The following TMEM230 variants were observed in gnomAD, a reference collection of about 807,000 sequenced individuals.
TMEM230 encodes transmembrane protein 230, also known as UPF0414 transmembrane protein C20orf30.
In TMEM230, 10 loss-of-function variants were observed where a neutral mutation model predicts 15.8. The ratio of observed to expected loss-of-function variants is 0.63; its 90% CI spans 0.39 to 1.07. The LOEUF (loss-of-function observed/expected upper bound fraction) is 1.07, where lower values mean the gene tolerates loss of function less well. TMEM230 is among the 50% of genes least tolerant of loss of function. The pLI is 0.01. For synonymous variants in TMEM230, 67 were observed against 76.9 expected (o/e 0.87, Z 0.68); for missense variants, 165 against 193.3 (o/e 0.85, Z 0.87).
rs573757269 is a variant in TMEM230, at chr20:5,105,234, T to C, written c.411+954A>G. ...CCACGAGCCGGAGTTTGCAGTGAGC[T>C]GAGATCCTGCCACTGCACTCCAGCC... On this transcript the variant is annotated intron_variant, in intron 4 of 4. Coordinates refer to ENST00000342308, the MANE Select transcript of TMEM230 (RefSeq NM_001009923.2). 6.9e-4 allele frequency among the ~76,000 whole-genome samples: 105 copies of C among 152,254 alleles called. 4 individuals are homozygous for C. In the South Asian group the frequency reaches 0.016, roughly 23 times the overall value.
chr20:5,101,477 A>G (rs1050043428), intron 4 of TMEM230, among the ~76,000 whole-genome samples: 4 of 151,580 alleles, frequency 2.6e-5, no homozygotes, highest in Non-Finnish European at 5.9e-5. Flanking sequence ...GCTGGAGTAC[A>G]GTGGTGTGAT....
intron 3 of TMEM230, among the ~76,000 whole-genome samples, chr20:5,090,166 T>C (rs2089466659): frequency 6.6e-6 from 1 of 151,606 alleles, no homozygotes; most frequent in Admixed American, 6.6e-5. Flanking sequence ...ATTCCAGAAA[T>C]AGGAAACCAA....
At chr20:5,107,486 C>T (rs1264377676) in intron 3 of TMEM230, among the ~76,000 whole-genome samples, 4 of 152,084 alleles carry the variant, frequency 2.6e-5, no homozygotes, top group African/African-American at 4.8e-5. Flanking sequence ...CACTCTAGTT[C>T]GAATCTCATT....
At chr20:5,111,908 C>A (rs2090343469) in intron 1 of TMEM230, 2 of 426,690 alleles carry the variant, frequency 4.7e-6, no homozygotes, top group Non-Finnish European at 6.3e-6. Flanking sequence ...GTTTAGGGAC[C>A]CGATCTCAGC....
intron 3 of TMEM230, among the ~76,000 whole-genome samples, chr20:5,076,874 C>T (rs1034558683): frequency 5.3e-5 from 8 of 151,388 alleles, no homozygotes; most frequent in Non-Finnish European, 1.0e-4. Flanking sequence ...GACGGGGTTT[C>T]GCCATGTTGG....
rs2090384040 is a variant in TMEM230 at position 5,112,889 on chromosome 20, G to A, written c.68+72C>T. The A allele has an allele frequency of 4.5e-6, 7 of 1,548,096 alleles. No individual in the cohort carries two copies. In the East Asian group the frequency reaches 1.5e-4, roughly 32 times the overall value. ...TGACTCGGAGCTTGATTTCGGCGGG[G>A]AGCGCGGTCTCGGACACGCCCAGAG... is the stretch of plus-strand genomic sequence containing the variant. On this transcript the variant is annotated intron_variant, in intron 1 of 4. Transcript: ENST00000342308.
At chr20:5,064,923 C>A (rs2088637753), downstream of TMEM230, among the ~76,000 whole-genome samples, 1 of 152,042 alleles carries the variant, frequency 6.6e-6, no homozygotes, top group South Asian at 2.1e-4. Context: ...GTAATCCCAG[C>A]ACTTTGGGAG....
At chr20:5,107,224 C>A (rs2090130813) in intron 3 of TMEM230, among the ~76,000 whole-genome samples, 1 of 152,162 alleles carries the variant, frequency 6.6e-6, no homozygotes, top group Non-Finnish European at 1.5e-5. Context: ...ATGGCTTGAG[C>A]CCAGGAGGTG....
At position 5,113,004 on chromosome 20, in the gene TMEM230, C is replaced by A; in HGVS notation, c.25G>T (p.Val9Leu). 6.5e-7 allele frequency: 1 copy of A among 1,550,044 alleles called. No homozygotes were observed. The stretch of plus-strand genomic sequence containing the variant: ...CGCCCGCACACCCAGAGCTCGCCCA[C>A]GGTTGGCAGCGCCCAAGGTTGCATG... Residue 9 changes from valine (V) to leucine (L), a missense_variant, in exon 1 of 5, where the codon GTG (valine) becomes TTG (leucine). Val to Leu is a conservative substitution (Grantham distance 32). Transcript: ENST00000342308.
At chr20:5,086,538 C>T (rs1380578346) in intron 3 of TMEM230, among the ~76,000 whole-genome samples, 6 of 89,030 alleles carry the variant, frequency 6.7e-5, no homozygotes, top group African/African-American at 8.7e-5. Context: ...GACTCTGTCT[C>T]AAAAAAAAAA....
At chr20:5,094,087 T>G (rs1191741150) in intron 3 of TMEM230, among the ~76,000 whole-genome samples, 1 of 151,706 alleles carries the variant, frequency 6.6e-6, no homozygotes, top group Non-Finnish European at 1.5e-5. Flanking sequence ...GCCTCCTGAG[T>G]AGCTGGGATT....
intron 3 of TMEM230, among the ~76,000 whole-genome samples, chr20:5,083,170 C>T (rs772232250): frequency 2.8e-4 from 43 of 151,924 alleles, no homozygotes; most frequent in Admixed American, 9.9e-4. Context: ...TCATATGAGC[C>T]GCCTGCCTCA....
intron 3 of TMEM230, among the ~76,000 whole-genome samples, chr20:5,077,126 T>G (rs1011410202): frequency 6.6e-6 from 1 of 151,750 alleles, no homozygotes; most frequent in African/African-American, 2.4e-5. Flanking sequence ...GGCAACATAG[T>G]GAGACCCCAT....
downstream of TMEM230, among the ~76,000 whole-genome samples, chr20:5,064,529 T>C (rs188088624): frequency 4.9e-4 from 74 of 152,084 alleles, 2 homozygotes; most frequent in African/African-American, 1.8e-3. Flanking sequence ...TGAGCCAAGA[T>C]CACGCCATTG....
At chr20:5,080,782 T>C (rs1174272852) in intron 3 of TMEM230, among the ~76,000 whole-genome samples, 1 of 152,128 alleles carries the variant, frequency 6.6e-6, no homozygotes, top group Admixed American at 6.5e-5. Flanking sequence ...CCTCAGGCGA[T>C]CCACTCACCT....
chr20:5,076,073 C>T (rs1032243079), intron 3 of TMEM230, among the ~76,000 whole-genome samples: 5 of 151,700 alleles, frequency 3.3e-5, no homozygotes, highest in African/African-American at 9.7e-5. Flanking sequence ...AGTGTCACTG[C>T]ACTCCAACCT....
chr20:5,100,024 T>C lies in TMEM230; in HGVS notation c.*767A>G, dbSNP rs2089791824. On this transcript the variant is annotated 3_prime_UTR_variant, in exon 5 of 5. Coordinates refer to ENST00000342308, the MANE Select transcript of TMEM230 (RefSeq NM_001009923.2). Reference sequence around the variant, plus strand: ...AGCAGAATGATGACATACTACAAGGTGCTAGCAATACGGCTATAAACTCTA... The same window carrying C: ...AGCAGAATGATGACATACTACAAGGCGCTAGCAATACGGCTATAAACTCTA... The C allele has an allele frequency of 1.0e-6, 1 of 985,322 alleles. No individual in the cohort carries two copies. Among genetic ancestry groups the C allele is most frequent in the Non-Finnish European group, 1.2e-6 (1 of 829,912 alleles). 61.0% of individuals were successfully genotyped at this position (985,322 alleles called of 1,614,324 possible).
At chr20:5,087,046 G>T (rs888735024) in intron 3 of TMEM230, among the ~76,000 whole-genome samples, 1 of 151,922 alleles carries the variant, frequency 6.6e-6, no homozygotes, top group Admixed American at 6.6e-5. Context: ...GCTAATTTTT[G>T]ATTTTTTTGT....
chr20:5,107,007 C>T (rs531079080), intron 3 of TMEM230, among the ~76,000 whole-genome samples: 1 of 152,174 alleles, frequency 6.6e-6, no homozygotes, highest in Non-Finnish European at 1.5e-5. Context: ...CAAGCCCAGT[C>T]TCAAACACTT....
Sources: allele counts gnomAD v4.1 joint callset (sites outside exome capture counted in the v4.1 genomes callset), GRCh38; gene constraint gnomAD v4.1.1; transcripts MANE v1.5; gene names NCBI Gene and HGNC (gene_info 2026-07-23, HGNC 2026-07-21).